The following CA12 variants were observed in gnomAD, a reference collection of about 807,000 sequenced individuals.
The protein encoded by CA12 is carbonic anhydrase 12.
In CA12, 36 loss-of-function variants were observed where a neutral mutation model predicts 46.8. The observed-to-expected ratio is 0.77, with a 90% confidence interval of 0.59 to 1.02. CA12 has a LOEUF of 1.02. CA12 is among the 50% of genes least tolerant of loss of function. The pLI is 0.00. For missense variants in CA12, 436 were observed against 451.4 expected (o/e 0.97, Z 0.31); for synonymous variants, 202 against 187.0 (o/e 1.08, Z -0.65).
chr15:63,362,524 G>T (rs945735586), intron 2 of CA12, among the ~76,000 whole-genome samples: 1 of 152,332 alleles, frequency 6.6e-6, no homozygotes, highest in South Asian at 2.1e-4. Flanking sequence ...CAGAGCTGGA[G>T]GGAGTGGAGA....
chr15:63,359,830 G>A (rs1003363354), intron 2 of CA12, among the ~76,000 whole-genome samples: 1 of 152,146 alleles, frequency 6.6e-6, no homozygotes, highest in South Asian at 2.1e-4. Context: ...CCCCACAGCT[G>A]TACCCCTCAT....
intron 2 of CA12, among the ~76,000 whole-genome samples, chr15:63,349,341 C>T (rs1359484090): frequency 4.6e-5 from 7 of 152,158 alleles, no homozygotes; most frequent in African/African-American, 1.7e-4. Context: ...TGACAAGGTG[C>T]CCAGGGGAAC....
rs772780998 is a variant in CA12 at position 63,339,809 on chromosome 15, C to T, written c.747+479G>A. 4.6e-5 allele frequency among the ~76,000 whole-genome samples: 7 copies of T among 152,332 alleles called. No homozygotes were observed. The highest frequency in any genetic ancestry group is 1.7e-4 in the African/African-American group (7 of 41,572). ...TGATCCCACAGACTTCTACTCTTCT[C>T]TCTCATCTCCTATCAAATAAGAAGC... On this transcript the variant is annotated intron_variant, in intron 7 of 10. Coordinates refer to ENST00000178638, the MANE Select transcript of CA12 (RefSeq NM_001218.5). This position sits in a 1 kb window ranked among gnomAD's most constrained non-coding sequence, Gnocchi z 4.3.
chr15:63,368,271 T>C (rs952361420), intron 2 of CA12, among the ~76,000 whole-genome samples: 6 of 152,234 alleles, frequency 3.9e-5, no homozygotes, highest in African/African-American at 1.2e-4. Flanking sequence ...TAGCAGGTGC[T>C]ATCTCTCTTT....
chr15:63,338,711 TC>T, intron 8 of CA12, 107 bp downstream of exon 8: 2 of 1,484,572 alleles, frequency 1.3e-6, no homozygotes. Context: ...CAGGGAGCTC[TC>T]AGCCAACTTC....
rs1199376059 is a variant in CA12 at position 63,348,965 on chromosome 15, G to A, written c.107-2256C>T. 1.3e-5 allele frequency among the ~76,000 whole-genome samples: 2 copies of A among 152,192 alleles called. No individual in the cohort carries two copies. The highest frequency in any genetic ancestry group is 6.5e-5 in the Admixed American group (1 of 15,282). The stretch of plus-strand genomic sequence containing the variant: ...AAGTTAGGACCAAATAAGGTATTTG[G>A]GGGGCAGGAAAGACTAAGGATATTA... On this transcript the variant is annotated intron_variant, in intron 2 of 10. Coordinates refer to ENST00000178638, the MANE Select transcript of CA12 (RefSeq NM_001218.5). This position sits in a 1 kb window ranked among gnomAD's most constrained non-coding sequence, Gnocchi z 4.6.
At position 63,330,980 on chromosome 15, in the gene CA12, T is replaced by C. The variant is rs1352021673; in HGVS notation, c.875-2850A>G. ...TTGATACAGCAAAAACGAAGCAGCT[T>C]GACTGAGCCAACATCATAAGCTGTT... On this transcript the variant is annotated intron_variant, in intron 8 of 10. Transcript: ENST00000178638. The surrounding 1 kb of genome is among the most constrained non-coding windows in gnomAD (Gnocchi z 4.0). Among the ~76,000 whole-genome samples, 2 of 152,202 alleles carry C rather than the reference T, an allele frequency of 1.3e-5. No individual in the cohort carries two copies. Among genetic ancestry groups the C allele is most frequent in the Non-Finnish European group, 2.9e-5 (2 of 68,038 alleles).
intron 2 of CA12, among the ~76,000 whole-genome samples, chr15:63,347,905 C>T (rs901102869): frequency 6.6e-5 from 10 of 152,172 alleles, no homozygotes; most frequent in Non-Finnish European, 1.5e-5. Context: ...GGAACACCAC[C>T]TCTTCTGGGA....
rs7165591 is a variant in CA12, at chr15:63,378,272, C to G, written c.86-2594G>C. Among the ~76,000 whole-genome samples the G allele has an allele frequency of 0.029, 4,454 of 152,242 alleles. 196 individuals are homozygous for G. Among genetic ancestry groups the G allele is most frequent in the African/African-American group, 0.099 (4,100 of 41,506 alleles). ...GCGTGGTGGCGGGTGCCTGTAATCC[C>G]AGCTGCTGGGGAGGCTGAGGCAGGA... On this transcript the variant is annotated intron_variant, in intron 1 of 10. Transcript: ENST00000178638. The surrounding 1 kb of genome is among the most constrained non-coding windows in gnomAD (Gnocchi z 4.8).
Position 63,381,819 on chromosome 15 carries a change from G to A in CA12, c.-99C>T, listed in dbSNP as rs924332738. On this transcript the variant is annotated 5_prime_UTR_variant, in exon 1 of 11. Transcript: ENST00000178638. ...ACCGGGACCGCGTGCGCGCAGCCTG[G>A]GTGCCGTGGCGAGTACGTCCGCCCT... The A allele has an allele frequency of 1.3e-6, 1 of 777,912 alleles. No homozygotes were observed. Among genetic ancestry groups the A allele is most frequent in the Non-Finnish European group, 1.9e-6 (1 of 532,668 alleles). The allele number at this position is 777,912 out of a possible 1,614,324, so 48.2% of individuals were successfully genotyped here.
At chr15:63,353,654 T>A (rs542469061) in intron 2 of CA12, among the ~76,000 whole-genome samples, 1 of 152,278 alleles carries the variant, frequency 6.6e-6, no homozygotes, top group South Asian at 2.1e-4. Flanking sequence ...GACCGCAGAC[T>A]TCATGTCCCC....
intron 4 of CA12, among the ~76,000 whole-genome samples, chr15:63,342,913 C>A (rs545036614): frequency 7.2e-5 from 11 of 152,228 alleles, no homozygotes; most frequent in African/African-American, 2.2e-4. Context: ...TTATTGAATA[C>A]AGCTTAATTT....
Position 63,340,166 on chromosome 15 carries a change from G to C in CA12, c.747+122C>G. On this transcript the variant is annotated intron_variant, in intron 7 of 10. Transcript: ENST00000178638. The surrounding 1 kb of genome is among the most constrained non-coding windows in gnomAD (Gnocchi z 4.4). ...TGCTTTCAGACACCTGTGATATTTGGAGAGGTTTTGAAGAGCTGCCAATGA... is the reference window on the plus strand; with the variant it reads ...TGCTTTCAGACACCTGTGATATTTGCAGAGGTTTTGAAGAGCTGCCAATGA... 1 of 1,143,330 alleles carries C rather than the reference G, an allele frequency of 8.7e-7. No individual in the cohort carries two copies. Among genetic ancestry groups the C allele is most frequent in the Non-Finnish European group, 1.3e-6 (1 of 774,084 alleles). The allele number at this position is 1,143,330 out of a possible 1,614,324, so 70.8% of individuals were successfully genotyped here. A position where few individuals can be genotyped will look rare whatever the true frequency, so the allele number is the denominator to read the frequency against.
At position 63,323,797 on chromosome 15, in the gene CA12, CA is replaced by C. The variant is rs1463448149; in HGVS notation, c.*2487del. 6.6e-6 allele frequency: 1 copy of C among 152,318 alleles called. No individual in the cohort carries two copies. Among genetic ancestry groups the C allele is most frequent in the Non-Finnish European group, 1.5e-5 (1 of 68,046 alleles). The allele number at this position is 152,318 out of a possible 1,614,324, so 9.4% of individuals were successfully genotyped here. ...ATGCAGCACATGCTAGAAACAGATACAGAGTTTTTTGTTGTTTTTTAACTAT... is the reference window on the plus strand; with the variant it reads ...ATGCAGCACATGCTAGAAACAGATACGAGTTTTTTGTTGTTTTTTAACTAT... On this transcript the variant is annotated 3_prime_UTR_variant, in exon 11 of 11. Coordinates refer to ENST00000178638, the MANE Select transcript of CA12 (RefSeq NM_001218.5). The surrounding 1 kb of genome is among the most constrained non-coding windows in gnomAD (Gnocchi z 5.1).
At position 63,341,930 on chromosome 15, in the gene CA12, G is replaced by A. The variant is rs2039083785; in HGVS notation, c.525+72C>T. The A allele has an allele frequency of 4.7e-6, 5 of 1,054,202 alleles. No individual in the cohort carries two copies. The South Asian group carries it at 5.2e-5, about 11-fold the overall frequency. 65.3% of individuals were successfully genotyped at this position (1,054,202 alleles called of 1,614,324 possible). On this transcript the variant is annotated intron_variant, in intron 5 of 10. Coordinates refer to ENST00000178638, the MANE Select transcript of CA12 (RefSeq NM_001218.5). This position sits in a 1 kb window ranked among gnomAD's most constrained non-coding sequence, Gnocchi z 5.2. The stretch of plus-strand genomic sequence containing the variant: ...CAGCTGATTATCAACAGGTATGCAT[G>A]GAACAAAAGGTGGAATCCCAATCTC...
chr15:63,376,942 T>C (rs2039585675), intron 1 of CA12, among the ~76,000 whole-genome samples: 1 of 152,030 alleles, frequency 6.6e-6, no homozygotes, highest in Admixed American at 6.6e-5. Flanking sequence ...AGCACCCAGC[T>C]GGGAAAAAGT....
intron 1 of CA12, among the ~76,000 whole-genome samples, chr15:63,375,943 G>A (rs2039565674): frequency 6.6e-6 from 1 of 151,956 alleles, no homozygotes; most frequent in Non-Finnish European, 1.5e-5. Flanking sequence ...CTGAGTAGCT[G>A]GGATTACAGG....
Position 63,355,827 on chromosome 15 carries a change from G to A in CA12, c.107-9118C>T, listed in dbSNP as rs1308454782. On this transcript the variant is annotated intron_variant, in intron 2 of 10. Coordinates refer to ENST00000178638, the MANE Select transcript of CA12 (RefSeq NM_001218.5). This position sits in a 1 kb window ranked among gnomAD's most constrained non-coding sequence, Gnocchi z 4.1. The stretch of plus-strand genomic sequence containing the variant: ...GTGAGGAATCGTGCTAGATGTGAAA[G>A]TGTTAAGTCCACAGCCCTGTAGCCA... Among the ~76,000 whole-genome samples, 1 of 152,168 alleles carries A rather than the reference G, an allele frequency of 6.6e-6. No individual in the cohort carries two copies. Among genetic ancestry groups the A allele is most frequent in the Non-Finnish European group, 1.5e-5 (1 of 68,034 alleles).
intron 4 of CA12, 55 bp from the exon 5 acceptor site, chr15:63,342,152 C>T (rs552957354): frequency 5.7e-5 from 67 of 1,176,256 alleles, no homozygotes; most frequent in South Asian, 5.1e-4. Flanking sequence ...GGGAGCCTGT[C>T]GCTTCTGCAG....
Sources: allele counts gnomAD v4.1 joint callset (sites outside exome capture counted in the v4.1 genomes callset), GRCh38; gene constraint gnomAD v4.1.1; non-coding constraint Gnocchi (gnomAD v3.1); transcripts MANE v1.5; gene names NCBI Gene and HGNC (gene_info 2026-07-23, HGNC 2026-07-21).